The following FBXO42 variants were observed in gnomAD, a reference collection of about 807,000 sequenced individuals.
FBXO42 encodes the protein F-box only protein 42.
FBXO42 carries 12 observed loss-of-function variants against 71.7 expected under a neutral mutation model. The observed-to-expected ratio is 0.17, with a 90% confidence interval of 0.11 to 0.27. FBXO42 has a LOEUF of 0.27. Ranked by LOEUF, FBXO42 falls within the 10% of genes least tolerant of loss-of-function variation. The probability of loss-of-function intolerance (pLI) is 1.00; values close to 1 mark genes in which losing one functional copy is unlikely to be tolerated. For missense variants in FBXO42, 707 were observed against 911.9 expected, an observed-to-expected ratio of 0.78 and a Z score of 2.89; for synonymous variants, 325 against 327.5, an observed-to-expected ratio of 0.99 and a Z score of 0.08.
chr1:16,320,146 G>A (rs2082399888), intron 1 of FBXO42, among the ~76,000 whole-genome samples: 1 of 151,860 alleles, frequency 6.6e-6, no homozygotes, highest in Non-Finnish European at 1.5e-5. Flanking sequence ...GATCACCTGA[G>A]GTCAGGAGTT....
At chr1:16,254,536 T>C (rs185331229) in intron 6 of FBXO42, among the ~76,000 whole-genome samples, 13 of 152,348 alleles carry the variant, frequency 8.5e-5, no homozygotes, top group African/African-American at 2.9e-4. Context: ...CTTAAGGTCA[T>C]TGATTCACCC....
At chr1:16,259,094 C>T (rs1007882364) in intron 4 of FBXO42, among the ~76,000 whole-genome samples, 7 of 152,168 alleles carry the variant, frequency 4.6e-5, no homozygotes, top group African/African-American at 1.7e-4. Flanking sequence ...GAGGTATTCT[C>T]TACCCTCAAA....
intron 1 of FBXO42, among the ~76,000 whole-genome samples, chr1:16,318,717 G>A (rs2082390782): frequency 6.6e-6 from 1 of 152,160 alleles, no homozygotes; most frequent in Admixed American, 6.6e-5. Flanking sequence ...AAGTTTAATG[G>A]GAAGTAACTT....
At chr1:16,256,798 T>TAGC (rs755531655) in intron 4 of FBXO42, 39 bp from the exon 5 acceptor site, 1 of 1,608,284 alleles carries the variant, frequency 6.2e-7, no homozygotes, top group East Asian at 2.2e-5. Context: ...GCATTCAGGA[T>TAGC]CTCACAACAA....
At chr1:16,333,435 G>GA (rs1178925161) in intron 1 of FBXO42, among the ~76,000 whole-genome samples, 2 of 73,552 alleles carry the variant, frequency 2.7e-5, no homozygotes, top group African/African-American at 8.2e-5. Flanking sequence ...CAAATAGTGA[G>GA]ACCCCCCCCC....
intron 2 of FBXO42, among the ~76,000 whole-genome samples, chr1:16,312,339 G>A (rs2082321102): frequency 6.6e-6 from 1 of 152,128 alleles, no homozygotes; most frequent in Non-Finnish European, 1.5e-5. Context: ...TCCAGCCTGG[G>A]CAACAGAGCA....
intron 1 of FBXO42, among the ~76,000 whole-genome samples, chr1:16,334,015 T>C (rs557519148): frequency 6.6e-6 from 1 of 152,340 alleles, no homozygotes; most frequent in African/African-American, 2.4e-5. Flanking sequence ...GGCTATATTC[T>C]GTACCATTTC....
At chr1:16,301,012 C>G (rs1204110214) in intron 3 of FBXO42, among the ~76,000 whole-genome samples, 1 of 151,146 alleles carries the variant, frequency 6.6e-6, no homozygotes, top group Non-Finnish European at 1.5e-5. Context: ...GATTCTCCTG[C>G]CTCAGCCTCC....
At chr1:16,277,595 T>C (rs1410486517) in intron 4 of FBXO42, among the ~76,000 whole-genome samples, 1 of 151,364 alleles carries the variant, frequency 6.6e-6, no homozygotes, top group Non-Finnish European at 1.5e-5. Context: ...CGTGGTGGTA[T>C]GCACCTGTAA....
chr1:16,341,702 G>A (rs1201131134), intron 1 of FBXO42, among the ~76,000 whole-genome samples: 2 of 151,718 alleles, frequency 1.3e-5, no homozygotes, highest in African/African-American at 4.8e-5. Context: ...CGGGTGCGGT[G>A]GCTCATGCCT....
intron 4 of FBXO42, among the ~76,000 whole-genome samples, chr1:16,290,385 G>A (rs574940784): frequency 1.3e-5 from 2 of 152,090 alleles, no homozygotes; most frequent in Non-Finnish European, 2.9e-5. Context: ...CTCATAAGAT[G>A]AATCCCCTTA....
At chr1:16,287,855 G>A (rs2082037589) in intron 4 of FBXO42, among the ~76,000 whole-genome samples, 1 of 152,024 alleles carries the variant, frequency 6.6e-6, no homozygotes, top group African/African-American at 2.4e-5. Flanking sequence ...AAGCCGGGGC[G>A]GGTGGATCGC....
intron 4 of FBXO42, among the ~76,000 whole-genome samples, chr1:16,282,053 C>T (rs1029384430): frequency 6.6e-6 from 1 of 151,804 alleles, no homozygotes; most frequent in African/African-American, 2.4e-5. Flanking sequence ...GGCTATGTTG[C>T]TTCCTAATGA....
At chr1:16,343,055 T>C (rs909493057) in intron 1 of FBXO42, among the ~76,000 whole-genome samples, 21 of 152,162 alleles carry the variant, frequency 1.4e-4, no homozygotes, top group African/African-American at 5.1e-4. Context: ...TTTCTTTATA[T>C]AATAAATTAC....
At chr1:16,308,563 G>C (rs555902614) in intron 2 of FBXO42, among the ~76,000 whole-genome samples, 35 of 144,026 alleles carry the variant, frequency 2.4e-4, no homozygotes, top group African/African-American at 8.3e-4. Context: ...GCAGTGGCAC[G>C]ATCCCCGTTC....
chr1:16,313,266 A>AT (rs1234369384), intron 2 of FBXO42, among the ~76,000 whole-genome samples: 3 of 76,858 alleles, frequency 3.9e-5, no homozygotes, highest in Non-Finnish European at 1.0e-4. Flanking sequence ...CTAAATAAAA[A>AT]TAAAAAAAAA....
intron 1 of FBXO42, among the ~76,000 whole-genome samples, chr1:16,331,552 C>T (rs1048195504): frequency 9.3e-5 from 14 of 150,788 alleles, no homozygotes; most frequent in African/African-American, 3.2e-4. Flanking sequence ...CTCAGGGGTT[C>T]GAGACCAGCC....
At chr1:16,257,939 C>T (rs2100438223) in intron 4 of FBXO42, among the ~76,000 whole-genome samples, 1 of 152,350 alleles carries the variant, frequency 6.6e-6, no homozygotes, top group South Asian at 2.1e-4. Flanking sequence ...CTTTGGCCTC[C>T]CAAAGTGCTG....
intron 1 of FBXO42, among the ~76,000 whole-genome samples, chr1:16,327,254 G>A (rs1181373739): frequency 2.0e-5 from 3 of 152,098 alleles, no homozygotes; most frequent in Non-Finnish European, 2.9e-5. Context: ...TCACTGAACC[G>A]TACTTTCACA....
Sources: gnomAD v4.1 joint callset for allele counts (sites outside exome capture counted in the v4.1 genomes callset) on GRCh38, gnomAD v4.1.1 for gene constraint, MANE v1.5 for transcripts, NCBI Gene and HGNC (gene_info 2026-07-23, HGNC 2026-07-21) for gene names.